The following ZHX2 variants were observed in gnomAD, a reference collection of about 807,000 sequenced individuals.
ZHX2 encodes zinc fingers and homeoboxes protein 2.
In ZHX2, 6 loss-of-function variants were observed where a neutral mutation model predicts 21.9. That is an observed-to-expected ratio of 0.27 (90% CI 0.15 to 0.54). The LOEUF (loss-of-function observed/expected upper bound fraction) is 0.54. Ranked by LOEUF, ZHX2 falls within the 20% of genes least tolerant of loss-of-function variation. The pLI is 0.95. For missense variants in ZHX2, 908 were observed against 1,090.7 expected (o/e 0.83, Z 2.36); for synonymous variants, 434 against 437.1 (o/e 0.99, Z 0.09).
At chr8:122,879,997 G>A (rs890867259) in intron 2 of ZHX2, among the ~76,000 whole-genome samples, 3 of 145,644 alleles carry the variant, frequency 2.1e-5, no homozygotes, top group African/African-American at 7.7e-5. Context: ...TTTTTAGATG[G>A]AGCCTCGCTC....
chr8:122,931,021 G>A (rs1041228981), intron 2 of ZHX2, among the ~76,000 whole-genome samples: 2 of 152,078 alleles, frequency 1.3e-5, no homozygotes, highest in Admixed American at 6.5e-5. Flanking sequence ...GATAGGGCAC[G>A]TCTTCCACTA....
intron 1 of ZHX2, among the ~76,000 whole-genome samples, chr8:122,851,576 G>A (rs550701338): frequency 1.3e-5 from 2 of 152,348 alleles, no homozygotes; most frequent in East Asian, 1.9e-4. Context: ...TCCATGAGGT[G>A]AAGGACTTTG....
intron 1 of ZHX2, among the ~76,000 whole-genome samples, chr8:122,814,474 T>C (rs963066319): frequency 1.3e-5 from 2 of 152,258 alleles, no homozygotes; most frequent in African/African-American, 4.8e-5. Context: ...CTTGGCATAA[T>C]TGACACATTG....
chr8:122,866,401 C>T (rs933697877), intron 2 of ZHX2, among the ~76,000 whole-genome samples: 3 of 152,190 alleles, frequency 2.0e-5, no homozygotes, highest in African/African-American at 7.2e-5. Flanking sequence ...GTTTACATTT[C>T]TTACGTGAGT....
intron 1 of ZHX2, among the ~76,000 whole-genome samples, chr8:122,849,284 C>T (rs1411070145): frequency 1.3e-5 from 2 of 152,152 alleles, no homozygotes; most frequent in African/African-American, 2.4e-5. Flanking sequence ...GGCTCCGGAG[C>T]TAGACATTCC....
chr8:122,933,222 G>A (rs945451414), intron 2 of ZHX2, among the ~76,000 whole-genome samples: 2 of 152,106 alleles, frequency 1.3e-5, no homozygotes, highest in Admixed American at 1.3e-4. Context: ...GAGTGTGCAC[G>A]AATCACCCAC....
chr8:122,891,770 T>C (rs767954705), intron 2 of ZHX2, among the ~76,000 whole-genome samples: 5 of 152,204 alleles, frequency 3.3e-5, no homozygotes. Flanking sequence ...TTTTATTCCA[T>C]TGTGGTGTGA....
At chr8:122,942,553 C>A (rs1018586130) in intron 2 of ZHX2, among the ~76,000 whole-genome samples, 1 of 152,188 alleles carries the variant, frequency 6.6e-6, no homozygotes, top group Non-Finnish European at 1.5e-5. Flanking sequence ...TCTGGGTAGA[C>A]CCCTGGGATC....
intron 2 of ZHX2, among the ~76,000 whole-genome samples, chr8:122,910,815 C>T (rs1270425823): frequency 3.3e-5 from 5 of 152,108 alleles, no homozygotes; most frequent in Non-Finnish European, 7.4e-5. Flanking sequence ...TGGCCCAGAA[C>T]CCAGGAAGTG....
intron 2 of ZHX2, among the ~76,000 whole-genome samples, chr8:122,920,659 T>G (rs1235697012): frequency 6.6e-6 from 1 of 152,158 alleles, no homozygotes; most frequent in Non-Finnish European, 1.5e-5. Flanking sequence ...CACATGAGGT[T>G]ATATACTCTT....
At chr8:122,891,316 GTGTGTGTGTA>G (rs1819974716) in intron 2 of ZHX2, among the ~76,000 whole-genome samples, 2 of 118,466 alleles carry the variant, frequency 1.7e-5, no homozygotes, top group Non-Finnish European at 3.5e-5. Flanking sequence ...GTGTGTGTGT[GTGTGTGTGTA>G]GTGTCTTTTA....
intron 2 of ZHX2, among the ~76,000 whole-genome samples, chr8:122,887,873 C>G (rs1367446918): frequency 6.6e-6 from 1 of 152,158 alleles, no homozygotes; most frequent in African/African-American, 2.4e-5. Flanking sequence ...TGTTGCCACC[C>G]TCTGCCGCGC....
intron 1 of ZHX2, among the ~76,000 whole-genome samples, chr8:122,817,277 A>T (rs1341408178): frequency 6.6e-6 from 1 of 152,130 alleles, no homozygotes; most frequent in African/African-American, 2.4e-5. Context: ...AGCGATTCTT[A>T]TCACTCTTAG....
At chr8:122,928,886 T>A (rs1435968562) in intron 2 of ZHX2, among the ~76,000 whole-genome samples, 2 of 152,178 alleles carry the variant, frequency 1.3e-5, no homozygotes, top group Non-Finnish European at 2.9e-5. Context: ...CATCTTGACT[T>A]GGGACAAGGT....
Position 122,953,479 on chromosome 8 carries a change from G to C in ZHX2, c.1969G>C (p.Glu657Gln). The change falls in exon 3 of 4, where the codon GAG (glutamate) becomes CAG (glutamine). Residue 657 changes from glutamate to glutamine, a missense_variant. Coordinates refer to ENST00000314393, the MANE Select transcript of ZHX2 (RefSeq NM_014943.5). This position sits in a 1 kb window ranked among gnomAD's most constrained non-coding sequence, Gnocchi z 4.6. ...AAGAACCCAGTGGCCTACTCCCCAG[G>C]AGTACGACCAGTTAGCGGCCAAGAC... ...FARTQWPTPQ[E>Q]YDQLAAKTGL... 1 of 1,614,218 alleles carries C rather than the reference G, an allele frequency of 6.2e-7. No homozygotes were observed. The highest frequency in any genetic ancestry group is 8.5e-7 in the Non-Finnish European group (1 of 1,180,048).
rs1450680356 is a variant in ZHX2 at position 122,782,205 on chromosome 8, A to G, written c.-283+259A>G. 6.6e-6 allele frequency among the ~76,000 whole-genome samples: 1 copy of G among 151,090 alleles called. No homozygotes were observed. Among genetic ancestry groups the G allele is most frequent in the Non-Finnish European group, 1.5e-5 (1 of 67,790 alleles). On this transcript the variant is annotated intron_variant, in intron 1 of 3. Transcript: ENST00000314393. This position sits in a 1 kb window ranked among gnomAD's most constrained non-coding sequence, Gnocchi z 5.3. ...GAGGGAAGAAGATTTTTTTTTTAAG[A>G]GTTTTGATTACAAGTTTGGATAAAT...
intron 1 of ZHX2, among the ~76,000 whole-genome samples, chr8:122,800,580 T>C (rs1817699525): frequency 6.6e-6 from 1 of 152,222 alleles, no homozygotes; most frequent in South Asian, 2.1e-4. Context: ...GTGACACTTA[T>C]CCAGGATGCA....
chr8:122,940,297 G>A (rs1812809554), intron 2 of ZHX2, among the ~76,000 whole-genome samples: 1 of 152,218 alleles, frequency 6.6e-6, no homozygotes, highest in African/African-American at 2.4e-5. Context: ...CTATTGAAGG[G>A]TAGGAAGGGT....
chr8:122,789,790 GA>G (rs1279033685), intron 1 of ZHX2, among the ~76,000 whole-genome samples: 1 of 152,220 alleles, frequency 6.6e-6, no homozygotes, highest in African/African-American at 2.4e-5. Context: ...TCTCCTAATA[GA>G]GAACTCTGCG....
Sources: gnomAD v4.1 joint callset for allele counts (sites outside exome capture counted in the v4.1 genomes callset) on GRCh38, gnomAD v4.1.1 for gene constraint, Gnocchi (gnomAD v3.1) non-coding constraint, MANE v1.5 for transcripts, NCBI Gene and HGNC (gene_info 2026-07-23, HGNC 2026-07-21) for gene names.